DOCK9: variants seen among roughly 807,000 people sequenced by gnomAD.
DOCK9 encodes dedicator of cytokinesis protein 9.
Under a neutral mutation model 263.3 loss-of-function variants are expected in DOCK9, and 89 were observed. The ratio of observed to expected loss-of-function variants is 0.34; its 90% CI spans 0.28 to 0.40. DOCK9 has a LOEUF of 0.40. Among genes scored for constraint, DOCK9 ranks in the 10% least tolerant of loss-of-function variants. DOCK9 has a pLI of 1.00. For synonymous variants in DOCK9, 976 were observed against 973.1 expected (o/e 1.00, Z -0.06); for missense variants, 2,140 against 2,603.4 (o/e 0.82, Z 3.87).
chr13:98,983,617 A>ATTTT (rs201942759), intron 1 of DOCK9, among the ~76,000 whole-genome samples: 8 of 143,792 alleles, frequency 5.6e-5, no homozygotes, highest in East Asian at 4.3e-4. Flanking sequence ...AATTATTATT[A>ATTTT]TTATTATTTT....
At chr13:98,820,550 C>T (rs1444489131) in intron 45 of DOCK9, 1 of 261,396 alleles carries the variant, frequency 3.8e-6, no homozygotes, top group East Asian at 1.4e-4. Flanking sequence ...ACTCCATAGA[C>T]AGAGGAGGCT....
intron 13 of DOCK9, among the ~76,000 whole-genome samples, chr13:98,900,885 T>C (rs1317304246): frequency 2.0e-5 from 3 of 152,242 alleles, no homozygotes; most frequent in Non-Finnish European, 4.4e-5. Flanking sequence ...TAGGAAGCTC[T>C]GAATCCAACT....
chr13:98,989,143 T>A (rs1879155479), intron 1 of DOCK9, among the ~76,000 whole-genome samples: 1 of 152,210 alleles, frequency 6.6e-6, no homozygotes. Flanking sequence ...AAATGCCTAC[T>A]CACCTTGGAA....
chr13:98,856,099 T>G (rs957663230), intron 33 of DOCK9, 68 bp from the exon 34 acceptor site: 32 of 1,525,726 alleles, frequency 2.1e-5, no homozygotes, highest in Non-Finnish European at 2.8e-5. Flanking sequence ...AGTACTGAAC[T>G]TTAAGGGAAA....
chr13:98,982,556 T>A (rs1423362721), upstream of DOCK9, among the ~76,000 whole-genome samples: 1 of 152,212 alleles, frequency 6.6e-6, no homozygotes, highest in African/African-American at 2.4e-5. Flanking sequence ...GTTAATTCAC[T>A]GAGGGCAGGG....
At chr13:98,910,886 A>T (rs753847894) in intron 9 of DOCK9, among the ~76,000 whole-genome samples, 5 of 145,048 alleles carry the variant, frequency 3.4e-5, no homozygotes, top group African/African-American at 7.3e-5. Context: ...TGCATACTTC[A>T]GTCTCTGATT....
intron 7 of DOCK9, among the ~76,000 whole-genome samples, chr13:98,917,956 C>T (rs1210107853): frequency 6.6e-6 from 1 of 152,140 alleles, no homozygotes; most frequent in Non-Finnish European, 1.5e-5. Flanking sequence ...TATTGCTTTG[C>T]AACCAGGCCT....
At chr13:98,978,493 A>G (rs1567161618), upstream of DOCK9, among the ~76,000 whole-genome samples, 1 of 152,236 alleles carries the variant, frequency 6.6e-6, no homozygotes, top group Non-Finnish European at 1.5e-5. Flanking sequence ...TCGTGGATAC[A>G]GGTGGAGGAA....
Position 99,063,821 on chromosome 13 carries a change from CTTTT to C in DOCK9, c.129+22398_129+22401del, listed in dbSNP as rs35527070. On this transcript the variant is annotated intron_variant, in intron 1 of 32. Coordinates refer to the DOCK9 transcript ENST00000427887. ...AAAGTTTCTAAACACGAATTCTCAA[CTTTT>C]TTTTTTTTCCATTCATCTTCAAGCA... 2.0e-5 allele frequency among the ~76,000 whole-genome samples: 3 copies of C among 149,006 alleles called. No homozygotes were observed. The South Asian group carries it at 6.4e-4, about 32-fold the overall frequency.
Position 98,794,668 on chromosome 13 carries a change from G to C in DOCK9, c.6237C>G (p.Ser2079Arg). The change falls in exon 53 of 53, where the codon AGC becomes AGG. Residue 2079 changes from serine (S) to arginine (R), a missense_variant. Coordinates refer to ENST00000682017, the MANE Select transcript of DOCK9 (RefSeq NM_001366683.2). Reference sequence around the variant, plus strand: ...AGCTGGTCATCCCGTGAACCATTGTGCTTGTTGGAGTCCCACTGATGGCGT... The same window carrying C: ...AGCTGGTCATCCCGTGAACCATTGTCCTTGTTGGAGTCCCACTGATGGCGT... The part of the protein sequence containing the change: ...IFNAISGTPT[S>R]TMVHGMTSSS... The C allele has an allele frequency of 1.9e-6, 3 of 1,613,532 alleles. No homozygotes were observed. Among genetic ancestry groups the C allele is most frequent in the Non-Finnish European group, 2.5e-6 (3 of 1,179,726 alleles).
intron 1 of DOCK9, chr13:99,025,492 A>G (rs1273965836): frequency 6.6e-6 from 1 of 152,246 alleles, no homozygotes. Flanking sequence ...CAAAAAGACA[A>G]GTATTGGTGT....
chr13:98,842,707 G>A (rs1323131516), intron 38 of DOCK9, among the ~76,000 whole-genome samples: 4 of 152,100 alleles, frequency 2.6e-5, no homozygotes. Flanking sequence ...TTGTGGTTTT[G>A]TGCTATCACT....
At chr13:98,851,419 G>A (rs9582268) in intron 35 of DOCK9, among the ~76,000 whole-genome samples, 8,007 of 152,188 alleles carry the variant, frequency 0.053, 536 homozygotes, top group African/African-American at 0.15. Flanking sequence ...GTGAGCCCCC[G>A]GGGAGCTCAG....
intron 1 of DOCK9, among the ~76,000 whole-genome samples, chr13:99,018,997 C>T (rs1218567939): frequency 1.3e-5 from 2 of 152,198 alleles, no homozygotes; most frequent in South Asian, 4.1e-4. Flanking sequence ...AATGAATCAT[C>T]CTTTAAAATG....
exon 1 of DOCK9, chr13:99,086,459 G>A: frequency 2.7e-6 from 2 of 739,246 alleles, no homozygotes; most frequent in Non-Finnish European, 3.3e-6. Context: ...GCCGCTCCCG[G>A]CGCCGCCGCC....
At position 98,883,100 on chromosome 13, in the gene DOCK9, C is replaced by T. The variant is rs1250409367; in HGVS notation, c.2501G>A (p.Cys834Tyr). Residue 834 changes from cysteine (C) to tyrosine (Y), a missense_variant, in exon 23 of 53, where the codon TGT (cysteine) becomes TAT (tyrosine). Cys to Tyr is a radical substitution (Grantham distance 194). Transcript: ENST00000682017. Reference sequence around the variant, plus strand: ...TTGGGCTCCAGATTCGGTTTTCTGACAGTACTGGAAAAAATTATGTAAATG... The same window carrying T: ...TTGGGCTCCAGATTCGGTTTTCTGATAGTACTGGAAAAAATTATGTAAATG... ...DQHLHNFFQY[C>Y]QKTESGAQAL... The T allele has an allele frequency of 6.2e-7, 1 of 1,613,548 alleles. No individual in the cohort carries two copies. The highest frequency in any genetic ancestry group is 1.1e-5 in the South Asian group (1 of 91,046).
At chr13:99,036,778 T>G (rs1259424355) in intron 1 of DOCK9, among the ~76,000 whole-genome samples, 2 of 152,218 alleles carry the variant, frequency 1.3e-5, no homozygotes, top group African/African-American at 4.8e-5. Flanking sequence ...GACCTCGTGA[T>G]CCGCCCACCT....
At chr13:99,059,124 G>A (rs1193578995) in intron 1 of DOCK9, among the ~76,000 whole-genome samples, 1 of 152,128 alleles carries the variant, frequency 6.6e-6, no homozygotes, top group Non-Finnish European at 1.5e-5. Flanking sequence ...TCACACCCAC[G>A]ACTGTGGCTT....
At chr13:98,868,717 G>A (rs1309396323) in intron 27 of DOCK9, among the ~76,000 whole-genome samples, 1 of 152,188 alleles carries the variant, frequency 6.6e-6, no homozygotes, top group Non-Finnish European at 1.5e-5. Flanking sequence ...ATCAGCCACT[G>A]TACTCCAGCC....
Sources: allele counts gnomAD v4.1 joint callset (sites outside exome capture counted in the v4.1 genomes callset), GRCh38; gene constraint gnomAD v4.1.1; transcripts MANE v1.5; gene names NCBI Gene and HGNC (gene_info 2026-07-23, HGNC 2026-07-21).